The following FAM135B variants were observed in gnomAD, a reference collection of about 807,000 sequenced individuals.
The protein encoded by FAM135B is family with sequence similarity 135 member B, also known as protein FAM135B.
FAM135B carries 43 observed loss-of-function variants against 127.7 expected under a neutral mutation model. The ratio of observed to expected loss-of-function variants is 0.34; its 90% CI spans 0.26 to 0.43. The LOEUF is 0.43. FAM135B is among the 20% of genes least tolerant of loss of function. The pLI is 1.00. For missense variants in FAM135B, 1,558 were observed against 1,725.6 expected (o/e 0.90, Z 1.72); for synonymous variants, 670 against 665.1 (o/e 1.01, Z -0.11).
chr8:138,187,016 G>A (rs917111581), intron 9 of FAM135B, among the ~76,000 whole-genome samples: 2 of 152,172 alleles, frequency 1.3e-5, no homozygotes, highest in African/African-American at 4.8e-5. Flanking sequence ...TGTACTCCCA[G>A]GGCTGCAGCA....
intron 1 of FAM135B, among the ~76,000 whole-genome samples, chr8:138,409,957 G>C (rs909844052): frequency 1.3e-5 from 2 of 150,776 alleles, no homozygotes; most frequent in African/African-American, 4.9e-5. Flanking sequence ...AGGTCATAAA[G>C]CTAGGACTTG....
chr8:138,217,039 C>T (rs1294965438), intron 7 of FAM135B, among the ~76,000 whole-genome samples: 3 of 152,092 alleles, frequency 2.0e-5, no homozygotes, highest in African/African-American at 7.2e-5. Flanking sequence ...ATAGTCACCT[C>T]GAAGCTGCGA....
intron 1 of FAM135B, among the ~76,000 whole-genome samples, chr8:138,407,686 G>A (rs1004927020): frequency 3.9e-4 from 60 of 152,270 alleles, no homozygotes; most frequent in African/African-American, 1.4e-3. Context: ...AAATGGTGCT[G>A]GGAAAACTGG....
chr8:138,310,514 A>C (rs1826599305), intron 3 of FAM135B, among the ~76,000 whole-genome samples: 1 of 152,024 alleles, frequency 6.6e-6, no homozygotes, highest in Admixed American at 6.5e-5. Flanking sequence ...TCCCTTTAAC[A>C]GGCTTCTCTA....
At chr8:138,238,239 G>T (rs1820454136) in intron 7 of FAM135B, among the ~76,000 whole-genome samples, 2 of 152,282 alleles carry the variant, frequency 1.3e-5, no homozygotes, top group South Asian at 4.1e-4. Context: ...AATATCAGCA[G>T]GAGGTTTTTA....
intron 11 of FAM135B, among the ~76,000 whole-genome samples, chr8:138,170,674 A>G (rs763795460): frequency 5.0e-4 from 76 of 152,266 alleles, no homozygotes; most frequent in Non-Finnish European, 1.9e-4. Flanking sequence ...ACATTCTTAA[A>G]CACTGCATGG....
At chr8:138,353,089 A>G (rs1421167105) in intron 2 of FAM135B, among the ~76,000 whole-genome samples, 6 of 152,088 alleles carry the variant, frequency 3.9e-5, no homozygotes, top group Non-Finnish European at 7.4e-5. Flanking sequence ...TCACTCCCCT[A>G]CTTGAAACAT....
intron 1 of FAM135B, among the ~76,000 whole-genome samples, chr8:138,390,338 G>C (rs1832478318): frequency 6.6e-6 from 1 of 152,090 alleles, no homozygotes; most frequent in South Asian, 2.1e-4. Flanking sequence ...AGTCCCAGGA[G>C]AGCTGTTGGT....
chr8:138,496,625 G>A (rs1354978522), intron 1 of FAM135B, 46 bp downstream of exon 1: 1 of 152,224 alleles, frequency 6.6e-6, no homozygotes, highest in Admixed American at 6.5e-5. Flanking sequence ...CACTACCACC[G>A]ACGAGAGAGT....
chr8:138,493,157 G>A (rs1815267594), intron 1 of FAM135B, among the ~76,000 whole-genome samples: 1 of 152,222 alleles, frequency 6.6e-6, no homozygotes, highest in African/African-American at 2.4e-5. Flanking sequence ...AATTATTCAT[G>A]TTTGAGCAGA....
chr8:138,182,886 A>G (rs1336290265), intron 9 of FAM135B, among the ~76,000 whole-genome samples: 2 of 152,254 alleles, frequency 1.3e-5, no homozygotes, highest in Non-Finnish European at 2.9e-5. Flanking sequence ...TGGCCTAAAC[A>G]TTAAACCTTT....
intron 1 of FAM135B, among the ~76,000 whole-genome samples, chr8:138,451,755 C>T (rs1836497378): frequency 6.6e-6 from 1 of 152,160 alleles, no homozygotes; most frequent in African/African-American, 2.4e-5. Flanking sequence ...CTACTCAGCA[C>T]TCCACACCCA....
intron 9 of FAM135B, among the ~76,000 whole-genome samples, chr8:138,190,494 AACTGAAGT>A (rs1265918695): frequency 3.9e-5 from 6 of 152,250 alleles, no homozygotes; most frequent in Non-Finnish European, 5.9e-5. Flanking sequence ...CCTTGAAAGA[AACTGAAGT>A]ATTTTACCCT....
chr8:138,181,611 C>T (rs529713829), intron 9 of FAM135B, among the ~76,000 whole-genome samples: 15 of 152,314 alleles, frequency 9.8e-5, no homozygotes, highest in Middle Eastern at 3.4e-3. Flanking sequence ...CTTCCAGTTT[C>T]CTTTCTTCTT....
chr8:138,328,852 G>T lies in FAM135B; in HGVS notation c.78-17932C>A, dbSNP rs138333245. Among the ~76,000 whole-genome samples the T allele has an allele frequency of 4.1e-3, 619 of 152,244 alleles. 7 individuals carry two copies. Among genetic ancestry groups the T allele is most frequent in the African/African-American group, 0.014 (599 of 41,546 alleles). On this transcript the variant is annotated intron_variant, in intron 2 of 19. Coordinates refer to ENST00000395297, the MANE Select transcript of FAM135B (RefSeq NM_015912.4). ...GAGTGAGGGAGACATACAAAAGTTT[G>T]CCACAGCCCAGAGAAAGTCTTCAAT...
intron 1 of FAM135B, among the ~76,000 whole-genome samples, chr8:138,368,730 G>C (rs1029132481): frequency 6.6e-6 from 1 of 151,954 alleles, no homozygotes; most frequent in Non-Finnish European, 1.5e-5. Context: ...GTAACAAGAT[G>C]GTTGAATGGA....
At chr8:138,435,073 C>T (rs1422259054) in intron 1 of FAM135B, among the ~76,000 whole-genome samples, 1 of 151,992 alleles carries the variant, frequency 6.6e-6, no homozygotes, top group East Asian at 1.9e-4. Flanking sequence ...TTTGGGAGGC[C>T]GAGGCGGGTG....
At chr8:138,469,485 G>A (rs1837561993) in intron 1 of FAM135B, among the ~76,000 whole-genome samples, 2 of 152,080 alleles carry the variant, frequency 1.3e-5, no homozygotes. Flanking sequence ...GTGTGTGTGT[G>A]ACATCTTAGG....
At chr8:138,429,894 C>T (rs1337686334) in intron 1 of FAM135B, among the ~76,000 whole-genome samples, 1 of 152,024 alleles carries the variant, frequency 6.6e-6, no homozygotes, top group African/African-American at 2.4e-5. Context: ...TGACTGAGGC[C>T]TGAGAAGATA....
Sources: gnomAD v4.1 joint callset for allele counts (sites outside exome capture counted in the v4.1 genomes callset) on GRCh38, gnomAD v4.1.1 for gene constraint, MANE v1.5 for transcripts, NCBI Gene and HGNC (gene_info 2026-07-23, HGNC 2026-07-21) for gene names.